LRSAM1: variants seen among roughly 807,000 people sequenced by gnomAD.
LRSAM1 encodes leucine rich repeat and sterile alpha motif containing 1.
In LRSAM1, 96 loss-of-function variants were observed where a neutral mutation model predicts 118.1. The observed-to-expected ratio is 0.81, with a 90% CI of 0.69 to 0.96. LRSAM1 has a LOEUF of 0.96. Among genes scored for constraint, LRSAM1 ranks in the 40% least tolerant of loss-of-function variants. LRSAM1 has a pLI of 0.00. For synonymous variants in LRSAM1, 322 were observed against 364.2 expected (o/e 0.88, Z 1.32); for missense variants, 804 against 915.5 (o/e 0.88, Z 1.57).
chr9:127,503,057 A>G lies in LRSAM1; in HGVS notation c.*158A>G, dbSNP rs965451553. On this transcript the variant is annotated 3_prime_UTR_variant, in exon 26 of 26. Coordinates refer to ENST00000300417, the MANE Select transcript of LRSAM1 (RefSeq NM_001005373.4). The stretch of plus-strand genomic sequence containing the variant: ...GGAGCCCCCATCCTAAGCTCCAAGC[A>G]TGTCTGGGCCAGGCAGAGGTGCTCC... The G allele has an allele frequency of 1.0e-6, 1 of 982,442 alleles. No individual in the cohort carries two copies. Among genetic ancestry groups the G allele is most frequent in the Non-Finnish European group, 1.5e-6 (1 of 657,640 alleles). 60.9% of individuals were successfully genotyped at this position (982,442 alleles called of 1,614,324 possible). A position where few individuals can be genotyped will look rare whatever the true frequency, so the allele number is the denominator to read the frequency against.
chr9:127,468,878 A>C (rs1391639847), intron 10 of LRSAM1, among the ~76,000 whole-genome samples: 2 of 150,908 alleles, frequency 1.3e-5, no homozygotes, highest in African/African-American at 4.9e-5. Context: ...GTTCCCAGCT[A>C]CTTGGGAGGC....
At chr9:127,479,350 G>C in intron 12 of LRSAM1, 33 bp from the exon 13 acceptor site, 1 of 1,614,006 alleles carries the variant, frequency 6.2e-7, no homozygotes, top group Non-Finnish European at 8.5e-7. Flanking sequence ...CCCAGGGCCT[G>C]TGCTGACAGT....
intron 18 of LRSAM1, 56 bp downstream of exon 18, chr9:127,487,819 AG>A: frequency 6.7e-7 from 1 of 1,483,742 alleles, no homozygotes; most frequent in East Asian, 2.4e-5. Context: ...TTCAGGAGCC[AG>A]GGCAGAGTGC....
At chr9:127,491,422 A>C in intron 20 of LRSAM1, 127 bp downstream of exon 20, 1 of 751,636 alleles carries the variant, frequency 1.3e-6, no homozygotes, top group African/African-American at 1.7e-5. Context: ...GACAGAGGGC[A>C]GAGCTCCTCT....
At chr9:127,500,062 A>G (rs897676594) in intron 24 of LRSAM1, among the ~76,000 whole-genome samples, 1 of 151,964 alleles carries the variant, frequency 6.6e-6, no homozygotes. Context: ...GTTGCATGAT[A>G]GAAAAAGAGA....
chr9:127,459,861 T>A (rs1473062423), intron 7 of LRSAM1, among the ~76,000 whole-genome samples: 1 of 152,106 alleles, frequency 6.6e-6, no homozygotes, highest in Non-Finnish European at 1.5e-5. Flanking sequence ...ACCTGGCCAG[T>A]AGGTGTATTT....
chr9:127,487,941 C>T (rs913444265), intron 18 of LRSAM1, among the ~76,000 whole-genome samples, 178 bp downstream of exon 18: 8 of 151,632 alleles, frequency 5.3e-5, no homozygotes, highest in Admixed American at 4.6e-4. Context: ...AGGGGGGGCC[C>T]GGGGGATGGT....
intron 25 of LRSAM1, 37 bp downstream of exon 25, chr9:127,501,180 T>C: frequency 6.2e-7 from 1 of 1,607,400 alleles, no homozygotes; most frequent in Non-Finnish European, 8.5e-7. Flanking sequence ...CTGCCCTGCC[T>C]GTGGCCACCC....
chr9:127,458,852 G>A (rs987737494), intron 6 of LRSAM1, 151 bp from the exon 7 acceptor site: 5 of 715,914 alleles, frequency 7.0e-6, no homozygotes, highest in Non-Finnish European at 1.3e-5. Context: ...AAATGAGGCG[G>A]GAATGATCAA....
intron 16 of LRSAM1, among the ~76,000 whole-genome samples, chr9:127,484,530 T>A (rs1285341913): frequency 2.2e-5 from 3 of 139,528 alleles, no homozygotes; most frequent in African/African-American, 7.8e-5. Flanking sequence ...ACCTGGCTAA[T>A]TTTTTTTTTT....
chr9:127,458,321 G>T (rs1834599968), intron 6 of LRSAM1, among the ~76,000 whole-genome samples: 1 of 151,704 alleles, frequency 6.6e-6, no homozygotes, highest in Admixed American at 6.6e-5. Context: ...AGCGGAGCTT[G>T]CAGTGAGCCG....
At chr9:127,502,003 A>G (rs1337083600) in intron 25 of LRSAM1, among the ~76,000 whole-genome samples, 1 of 152,240 alleles carries the variant, frequency 6.6e-6, no homozygotes, top group Admixed American at 6.5e-5. Flanking sequence ...AGTTCCTGAA[A>G]GCAGGAGATG....
At chr9:127,497,708 A>G (rs1246751339) in intron 24 of LRSAM1, among the ~76,000 whole-genome samples, 1 of 152,186 alleles carries the variant, frequency 6.6e-6, no homozygotes, top group African/African-American at 2.4e-5. Flanking sequence ...GCTGGGCCTG[A>G]GGCATGCCTG....
At chr9:127,472,902 C>T (rs1291067591) in intron 10 of LRSAM1, among the ~76,000 whole-genome samples, 1 of 152,176 alleles carries the variant, frequency 6.6e-6, no homozygotes, top group African/African-American at 2.4e-5. Context: ...ACCTCTCTGT[C>T]ACCGTGTGCA....
At chr9:127,490,421 G>GA (rs1317584558) in intron 19 of LRSAM1, among the ~76,000 whole-genome samples, 1 of 152,062 alleles carries the variant, frequency 6.6e-6, no homozygotes, top group Non-Finnish European at 1.5e-5. Context: ...ACAGGATAGA[G>GA]AAGTACTGGC....
Position 127,479,988 on chromosome 9 carries a change from T to C in LRSAM1, c.1043+10T>C. 6.2e-7 allele frequency: 1 copy of C among 1,614,208 alleles called. No homozygotes were observed. Among genetic ancestry groups the C allele is most frequent in the Non-Finnish European group, 8.5e-7 (1 of 1,180,038 alleles). ...TGCAGGACAATCAGAGGTTGGGCTC[T>C]GCTCCTCGGCCCCAGCCCCAGAGTC... On this transcript the variant is annotated intron_variant, in intron 14 of 25. Transcript: ENST00000300417.
rs79514284 is a variant in LRSAM1 at position 127,459,044 on chromosome 9, C to T, written c.294C>T (p.Asp98=). ...LHDNQLTALP[D]DLGQLTALQV... is the part of the protein sequence containing the mutation. ...ATAATCAGCTGACAGCCCTTCCTGA[C>T]GATCTGGGGCAGCTGACTGCCCTCC... The change falls in exon 7 of 26, where the codon GAC becomes GAT. Residue 98 remains aspartate, a synonymous_variant. Coordinates refer to ENST00000300417, the MANE Select transcript of LRSAM1 (RefSeq NM_001005373.4). 2.0e-5 allele frequency: 32 copies of T among 1,613,776 alleles called. No homozygotes were observed. The highest frequency in any genetic ancestry group is 1.9e-4 in the African/African-American group (14 of 75,040).
At chr9:127,498,628 A>C (rs1208629963) in intron 24 of LRSAM1, among the ~76,000 whole-genome samples, 1 of 152,252 alleles carries the variant, frequency 6.6e-6, no homozygotes, top group African/African-American at 2.4e-5. Flanking sequence ...TGGGCTGCTC[A>C]GGGCTTCCTG....
At chr9:127,498,415 G>T (rs1305523255) in intron 24 of LRSAM1, among the ~76,000 whole-genome samples, 3 of 152,236 alleles carry the variant, frequency 2.0e-5, no homozygotes, top group Non-Finnish European at 4.4e-5. Context: ...GTCACCCCCG[G>T]CAGACAAGCC....
Sources: allele counts gnomAD v4.1 joint callset (sites outside exome capture counted in the v4.1 genomes callset), GRCh38; gene constraint gnomAD v4.1.1; transcripts MANE v1.5; gene names NCBI Gene and HGNC (gene_info 2026-07-23, HGNC 2026-07-21).